MBOAT2: variants seen among roughly 807,000 people sequenced by gnomAD.
MBOAT2 encodes the protein membrane-bound glycerophospholipid O-acyltransferase 2.
In MBOAT2, 28 loss-of-function variants were observed where a neutral mutation model predicts 63.4. The ratio of observed to expected loss-of-function variants is 0.44; its 90% confidence interval spans 0.33 to 0.61. The LOEUF (loss-of-function observed/expected upper bound fraction) is 0.61. MBOAT2 is among the 20% of genes least tolerant of loss of function. The probability of loss-of-function intolerance (pLI) is 0.03; values close to 1 mark genes in which losing one functional copy is unlikely to be tolerated. For missense variants in MBOAT2, 470 were observed against 605.8 expected (o/e 0.78, Z 2.35); for synonymous variants, 211 against 215.6 (o/e 0.98, Z 0.19).
intron 2 of MBOAT2, among the ~76,000 whole-genome samples, chr2:8,954,248 C>A (rs1669047801): frequency 6.6e-6 from 1 of 152,150 alleles, no homozygotes; most frequent in South Asian, 2.1e-4. Flanking sequence ...TACAAGCCCA[C>A]AGATGGTGCT....
At position 8,943,189 on chromosome 2, in the gene MBOAT2, G is replaced by A. The variant is rs749573824; in HGVS notation, c.297C>T (p.His99=). 3 of 1,535,056 alleles carry A rather than the reference G, an allele frequency of 2.0e-6. No individual in the cohort carries two copies. The highest frequency in any genetic ancestry group is 2.7e-6 in the Non-Finnish European group (3 of 1,130,022). The change falls in exon 3 of 13, where the codon CAC becomes CAT. Residue 99 remains histidine (H), a splice_region_variant and synonymous_variant. Coordinates refer to ENST00000305997, the MANE Select transcript of MBOAT2 (RefSeq NM_138799.4). The part of the protein sequence containing the change: ...IMIIIGVENM[H]NYCFVFALGY... The stretch of plus-strand genomic sequence containing the variant: ...ATGTGAACAAAGTGAATACTTACTT[G>A]TGCATGTTCTCCACTCCTATGATGA...
chr2:8,908,800 T>A, intron 3 of MBOAT2, 84 bp from the exon 4 acceptor site: 1 of 747,286 alleles, frequency 1.3e-6, no homozygotes, highest in Non-Finnish European at 2.3e-6. Flanking sequence ...ATTAGCTAAA[T>A]GATATGGTTC....
At chr2:8,894,157 G>A (rs944052286) in intron 4 of MBOAT2, among the ~76,000 whole-genome samples, 6 of 152,054 alleles carry the variant, frequency 3.9e-5, no homozygotes, top group African/African-American at 7.2e-5. Flanking sequence ...GTGTCCACGT[G>A]TTCTCATGGT....
At chr2:8,929,608 C>T (rs1667177480) in intron 3 of MBOAT2, among the ~76,000 whole-genome samples, 1 of 152,240 alleles carries the variant, frequency 6.6e-6, no homozygotes, top group Non-Finnish European at 1.5e-5. Context: ...CTGCGCTGGC[C>T]TCTCAAAGTG....
intron 4 of MBOAT2, among the ~76,000 whole-genome samples, chr2:8,894,376 T>C (rs543039863): frequency 1.3e-5 from 2 of 152,282 alleles, no homozygotes; most frequent in South Asian, 2.1e-4. Flanking sequence ...TTTCCTGTAA[T>C]CAAACGTAGG....
Position 8,873,156 on chromosome 2 carries a change from T to G in MBOAT2, c.835A>C (p.Ile279Leu), listed in dbSNP as rs1662456418. ...SWPTKIIYLY[I>L]SLLAARPKYY... ...TTGGGTCTGGCAGCCAAAAGAGAGA[T>G]ATACAGATAGATAATCTTTGTTGGC... is the stretch of plus-strand genomic sequence containing the variant. Residue 279 changes from isoleucine (I) to leucine (L), a missense_variant, in exon 8 of 13, where the codon ATC (isoleucine) becomes CTC (leucine). By Grantham distance (5) the Ile-to-Leu change is conservative (BLOSUM62 2). Transcript: ENST00000305997. 1.9e-6 allele frequency: 3 copies of G among 1,614,170 alleles called. No individual in the cohort carries two copies. Among genetic ancestry groups the G allele is most frequent in the Non-Finnish European group, 8.5e-7 (1 of 1,180,034 alleles).
Position 8,995,589 on chromosome 2 carries a change from C to CT in MBOAT2, c.75+7950_75+7951insA, listed in dbSNP as rs1402516555. Among the ~76,000 whole-genome samples, 928 of 145,576 alleles carry CT rather than the reference C, an allele frequency of 6.4e-3. 3 individuals carry two copies. Among genetic ancestry groups the CT allele is most frequent in the African/African-American group, 0.016 (611 of 37,294 alleles). On this transcript the variant is annotated intron_variant, in intron 1 of 12. Coordinates refer to ENST00000305997, the MANE Select transcript of MBOAT2 (RefSeq NM_138799.4). The stretch of plus-strand genomic sequence containing the variant: ...ATAAACATTTTTTAAAAATACATTC[C>CT]ATTTTTTTTTTTTTTTTTTGAGACG...
intron 1 of MBOAT2, among the ~76,000 whole-genome samples, chr2:8,960,958 G>A (rs1669564072): frequency 6.6e-6 from 1 of 152,226 alleles, no homozygotes; most frequent in Admixed American, 6.5e-5. Context: ...CGTGGCCAGG[G>A]ATCATGGGAG....
chr2:8,927,578 C>T (rs931506619), intron 3 of MBOAT2, among the ~76,000 whole-genome samples: 1 of 152,122 alleles, frequency 6.6e-6, no homozygotes, highest in Non-Finnish European at 1.5e-5. Flanking sequence ...CTGTGTCCAA[C>T]CGAGGCTGGG....
At chr2:8,908,527 T>G (rs1476952141) in intron 4 of MBOAT2, 94 bp downstream of exon 4, 1 of 663,336 alleles carries the variant, frequency 1.5e-6, no homozygotes, top group East Asian at 2.8e-5. Flanking sequence ...ATAATAGCTT[T>G]TCACTTGAAC....
intron 12 of MBOAT2, among the ~76,000 whole-genome samples, chr2:8,859,264 G>GA (rs1661328409): frequency 6.6e-6 from 1 of 152,150 alleles, no homozygotes; most frequent in African/African-American, 2.4e-5. Flanking sequence ...AGTCAACAAA[G>GA]AAAATGTGGA....
In MBOAT2 at chr2:8,958,595, C is replaced by T. The variant is rs1328478095; in HGVS notation, c.123G>A (p.Trp41Ter). 6.2e-7 allele frequency: 1 copy of T among 1,609,988 alleles called. No individual in the cohort carries two copies. The highest frequency in any genetic ancestry group is 8.5e-7 in the Non-Finnish European group (1 of 1,178,832). Residue 41 changes from tryptophan (W) to a stop codon, truncating the protein, a stop_gained, in exon 2 of 13, where the codon TGG becomes TGA. Transcript: ENST00000305997. LOFTEE classifies it high-confidence loss of function. ...TGCTTGAATGTAGATAAGTTCGAAA[C>T]CAAATGGCTGCTAGCAAGGCAAAGA... The part of the protein sequence containing the change: ...CQLFALLAAI[W>*]FRTYLHSSKT...
intron 4 of MBOAT2, among the ~76,000 whole-genome samples, chr2:8,894,800 TC>T (rs1664306511): frequency 6.6e-6 from 1 of 152,224 alleles, no homozygotes. Context: ...GGGTTCGTGG[TC>T]TTGCTGACTT....
At chr2:8,860,809 A>G (rs1372800662) in intron 11 of MBOAT2, 45 bp from the exon 12 acceptor site, 1 of 1,438,740 alleles carries the variant, frequency 7.0e-7, no homozygotes, top group Non-Finnish European at 9.6e-7. Flanking sequence ...TTAAATTAAC[A>G]TTACTTATGC....
At chr2:8,986,820 G>C (rs908496954) in intron 1 of MBOAT2, among the ~76,000 whole-genome samples, 1 of 152,078 alleles carries the variant, frequency 6.6e-6, no homozygotes, top group Non-Finnish European at 1.5e-5. Context: ...CGCCAAGAAC[G>C]CATCTAGAAA....
At chr2:8,959,213 A>T (rs1346160571) in intron 1 of MBOAT2, among the ~76,000 whole-genome samples, 1 of 152,168 alleles carries the variant, frequency 6.6e-6, no homozygotes. Flanking sequence ...CATCTCAAGG[A>T]TTGGCTCCCA....
intron 3 of MBOAT2, among the ~76,000 whole-genome samples, chr2:8,918,672 T>A (rs1341437869): frequency 1.3e-5 from 2 of 152,168 alleles, no homozygotes; most frequent in South Asian, 2.1e-4. Context: ...ATAGTTCCTA[T>A]CAGAAAGGCA....
rs143151432 is a variant in MBOAT2 at position 8,893,996 on chromosome 2, G to T, written c.396-5923C>A. Among the ~76,000 whole-genome samples the T allele has an allele frequency of 1.6e-3, 244 of 152,116 alleles. 2 individuals carry two copies. The highest frequency in any genetic ancestry group is 5.7e-3 in the African/African-American group (236 of 41,478). On this transcript the variant is annotated intron_variant, in intron 4 of 12. Transcript: ENST00000305997. ...CTCTAAGTTCTGGGATACATGTGCA[G>T]ATCGTGCAGGTTTGTTACATAGGTA... is the stretch of plus-strand genomic sequence containing the variant.
chr2:8,969,408 T>C (rs533106722), intron 1 of MBOAT2, among the ~76,000 whole-genome samples: 3 of 152,306 alleles, frequency 2.0e-5, no homozygotes, highest in Non-Finnish European at 4.4e-5. Flanking sequence ...TACTAGCCAC[T>C]GCAAAAACAT....
Sources: gnomAD v4.1 joint callset for allele counts (sites outside exome capture counted in the v4.1 genomes callset) on GRCh38, gnomAD v4.1.1 for gene constraint, MANE v1.5 for transcripts, NCBI Gene and HGNC (gene_info 2026-07-23, HGNC 2026-07-21) for gene names.